Variants in RPS6KC1 observed in about 807,000 individuals in gnomAD.
The protein encoded by RPS6KC1 is ribosomal protein S6 kinase C1, also known as inactive ribosomal protein S6 kinase delta-1.
Under a neutral mutation model 103.8 loss-of-function variants are expected in RPS6KC1, and 54 were observed. That is an observed-to-expected ratio of 0.52 (90% CI 0.42 to 0.65). The LOEUF (loss-of-function observed/expected upper bound fraction) is 0.65, where lower values mean the gene tolerates loss of function less well. Among genes scored for constraint, RPS6KC1 ranks in the 30% least tolerant of loss-of-function variants. The pLI, the probability that RPS6KC1 is intolerant of heterozygous loss-of-function variation, is 0.00. For missense variants in RPS6KC1, 1,151 were observed against 1,253.8 expected, an observed-to-expected ratio of 0.92 and a Z score of 1.24; for synonymous variants, 439 against 438.7, an observed-to-expected ratio of 1.00 and a Z score of -0.01.
the RPS6KC1 span, among the ~76,000 whole-genome samples, chr1:213,829,313 G>C: frequency 1.4e-5 from 2 of 147,028 alleles, no homozygotes; most frequent in Non-Finnish European, 3.0e-5. Context: ...TGATTAGTTA[G>C]TGTTAAAGCA....
At chr1:213,420,879 C>T in the RPS6KC1 span, among the ~76,000 whole-genome samples, 4 of 152,156 alleles carry the variant, frequency 2.6e-5, no homozygotes, top group African/African-American at 9.7e-5. Context: ...CGCCTCTCTC[C>T]TGGCTTCTGG....
intron 6 of RPS6KC1, among the ~76,000 whole-genome samples, chr1:213,156,783 T>C (rs767726437): frequency 3.3e-5 from 5 of 152,186 alleles, no homozygotes; most frequent in Admixed American, 6.5e-5. Flanking sequence ...AAGGAATTGT[T>C]TGGGAGTGAT....
the RPS6KC1 span, among the ~76,000 whole-genome samples, chr1:213,744,318 A>G: frequency 6.6e-6 from 1 of 152,204 alleles, no homozygotes; most frequent in Non-Finnish European, 1.5e-5. Context: ...AAAAATAAAA[A>G]AAACCTCTAT....
chr1:213,712,150 A>T, the RPS6KC1 span, among the ~76,000 whole-genome samples: 4 of 152,184 alleles, frequency 2.6e-5, no homozygotes, highest in African/African-American at 9.6e-5. Flanking sequence ...TCCCAGGAAG[A>T]TGGGAGTTTT....
chr1:213,152,030 A>T (rs1041956268), intron 6 of RPS6KC1, among the ~76,000 whole-genome samples: 1 of 134,674 alleles, frequency 7.4e-6, no homozygotes, highest in African/African-American at 2.9e-5. Context: ...CACCTCCCGG[A>T]CGGGGCAGCT....
the RPS6KC1 span, among the ~76,000 whole-genome samples, chr1:213,297,148 A>G: frequency 6.6e-6 from 1 of 152,216 alleles, no homozygotes; most frequent in Non-Finnish European, 1.5e-5. Context: ...GGGCAGGACC[A>G]CACCTCCTTA....
the RPS6KC1 span, among the ~76,000 whole-genome samples, chr1:213,454,258 G>GA: frequency 6.6e-6 from 1 of 152,132 alleles, no homozygotes; most frequent in Admixed American, 6.5e-5. Context: ...AAGGACACGT[G>GA]AAATTTATTA....
the RPS6KC1 span, among the ~76,000 whole-genome samples, chr1:213,444,792 A>G: frequency 6.6e-6 from 1 of 152,054 alleles, no homozygotes; most frequent in Non-Finnish European, 1.5e-5. Flanking sequence ...ACAGAAAAAA[A>G]TGAAGTTGGT....
At chr1:213,211,051 CA>C (rs1304215299) in intron 8 of RPS6KC1, among the ~76,000 whole-genome samples, 2 of 152,152 alleles carry the variant, frequency 1.3e-5, no homozygotes, top group African/African-American at 4.8e-5. Flanking sequence ...TATGAATGGA[CA>C]GTGAAATAGT....
chr1:213,162,777 G>C (rs1572942539), intron 6 of RPS6KC1, among the ~76,000 whole-genome samples: 1 of 152,184 alleles, frequency 6.6e-6, no homozygotes, highest in Non-Finnish European at 1.5e-5. Flanking sequence ...CAGAAAAACT[G>C]CTAGACATTA....
At chr1:213,115,749 T>A (rs571115254) in intron 4 of RPS6KC1, among the ~76,000 whole-genome samples, 13 of 152,332 alleles carry the variant, frequency 8.5e-5, no homozygotes, top group Admixed American at 7.2e-4. Context: ...TTCTGGTATG[T>A]TGTGTCTTTG....
At chr1:213,120,951 G>A (rs896381719) in intron 5 of RPS6KC1, among the ~76,000 whole-genome samples, 29 of 152,040 alleles carry the variant, frequency 1.9e-4, no homozygotes, top group African/African-American at 7.0e-4. Context: ...TGACGATCTG[G>A]GTGTCTGTTT....
chr1:213,060,003 A>G (rs890792240), intron 1 of RPS6KC1, among the ~76,000 whole-genome samples: 6 of 152,110 alleles, frequency 3.9e-5, no homozygotes, highest in Admixed American at 1.3e-4. Flanking sequence ...TTTTTAGTTG[A>G]GACGGGGTTT....
the RPS6KC1 span, chr1:213,822,487 A>C: frequency 6.6e-6 from 1 of 152,132 alleles, no homozygotes; most frequent in African/African-American, 2.4e-5. Context: ...ATATAGGATA[A>C]GTCCCAAATA....
chr1:213,114,036 G>A (rs373847723), intron 4 of RPS6KC1, among the ~76,000 whole-genome samples: 5,618 of 151,776 alleles, frequency 0.037, 311 homozygotes, highest in African/African-American at 0.13. Context: ...TTGACTTGGC[G>A]ATGTGGGCTC....
the RPS6KC1 span, among the ~76,000 whole-genome samples, chr1:213,748,753 T>A: frequency 6.6e-6 from 1 of 152,250 alleles, no homozygotes; most frequent in Non-Finnish European, 1.5e-5. Flanking sequence ...AATCCTCTGC[T>A]GTCTGTTCTA....
At chr1:213,628,901 G>T in the RPS6KC1 span, among the ~76,000 whole-genome samples, 3 of 152,186 alleles carry the variant, frequency 2.0e-5, no homozygotes, top group Non-Finnish European at 4.4e-5. Context: ...TTTTGAGTGA[G>T]TTTCTTAACC....
chr1:213,303,760 A>C, the RPS6KC1 span, among the ~76,000 whole-genome samples: 17 of 152,316 alleles, frequency 1.1e-4, no homozygotes, highest in South Asian at 4.1e-4. Context: ...AGGTTTTATA[A>C]ATAATTTAAC....
chr1:213,438,969 A>G, the RPS6KC1 span, among the ~76,000 whole-genome samples: 3 of 151,138 alleles, frequency 2.0e-5, no homozygotes, highest in Non-Finnish European at 4.4e-5. Context: ...AATTTTTTGT[A>G]TTTTTTAGTA....
Sources: gnomAD v4.1 joint callset for allele counts (sites outside exome capture counted in the v4.1 genomes callset) on GRCh38, gnomAD v4.1.1 for gene constraint, MANE v1.5 for transcripts, NCBI Gene and HGNC (gene_info 2026-07-23, HGNC 2026-07-21) for gene names.